The following ABI3BP variants were observed in gnomAD, a reference collection of about 807,000 sequenced individuals.
ABI3BP encodes the protein ABI family member 3 binding protein, also known as target of Nesh-SH3.
Under a neutral mutation model 268.6 loss-of-function variants are expected in ABI3BP, and 216 were observed. That is an observed-to-expected ratio of 0.80 (90% CI 0.72 to 0.90). The LOEUF (loss-of-function observed/expected upper bound fraction) is 0.90. ABI3BP is among the 40% of genes least tolerant of loss of function. The pLI, the probability that ABI3BP is intolerant of heterozygous loss-of-function variation, is 0.00. For synonymous variants in ABI3BP, 730 were observed against 730.0 expected, an observed-to-expected ratio of 1.00 and a Z score of 0.00; for missense variants, 2,090 against 2,182.4, an observed-to-expected ratio of 0.96 and a Z score of 0.84.
intron 1 of ABI3BP, among the ~76,000 whole-genome samples, chr3:100,979,025 C>T (rs1411891618): frequency 6.6e-6 from 1 of 152,172 alleles, no homozygotes; most frequent in African/African-American, 2.4e-5. Flanking sequence ...ACCAGCATTG[C>T]TAGTATCATC....
intron 39 of ABI3BP, 30 bp downstream of exon 39, chr3:100,821,024 C>T (rs2098203915): frequency 3.9e-6 from 6 of 1,521,650 alleles, no homozygotes; most frequent in Non-Finnish European, 5.3e-6. Context: ...GAAGGAAGAA[C>T]ACTTAATGAG....
chr3:100,967,226 G>T (rs1331307417), intron 1 of ABI3BP, among the ~76,000 whole-genome samples: 2 of 152,104 alleles, frequency 1.3e-5, no homozygotes, highest in African/African-American at 4.8e-5. Flanking sequence ...TGAGGGCTAG[G>T]TGCGGTGGCT....
chr3:100,793,490 T>C (rs757840483), intron 54 of ABI3BP, among the ~76,000 whole-genome samples: 15 of 152,022 alleles, frequency 9.9e-5, no homozygotes, highest in Non-Finnish European at 2.1e-4. Context: ...GCAATGGTTC[T>C]GATGTGAATA....
At chr3:100,913,589 C>A (rs2057545277) in intron 2 of ABI3BP, among the ~76,000 whole-genome samples, 1 of 152,064 alleles carries the variant, frequency 6.6e-6, no homozygotes, top group African/African-American at 2.4e-5. Flanking sequence ...TAGCTTGAAG[C>A]TCAAGTAGAA....
intron 62 of ABI3BP, 42 bp from the exon 63 acceptor site, chr3:100,765,991 T>G: frequency 6.9e-7 from 1 of 1,457,792 alleles, no homozygotes; most frequent in South Asian, 1.2e-5. Context: ...TTTTTATTTC[T>G]TGGCTGACTT....
intron 45 of ABI3BP, among the ~76,000 whole-genome samples, chr3:100,813,126 C>T (rs2097906126): frequency 1.3e-5 from 2 of 152,208 alleles, no homozygotes; most frequent in South Asian, 4.1e-4. Flanking sequence ...AGCAACCCAT[C>T]AGCCTTGGCC....
intron 1 of ABI3BP, among the ~76,000 whole-genome samples, chr3:100,949,357 G>C (rs959634414): frequency 6.6e-6 from 1 of 152,176 alleles, no homozygotes; most frequent in African/African-American, 2.4e-5. Flanking sequence ...ACAGGCTCAA[G>C]CAATTCTCGT....
At position 100,905,153 on chromosome 3, in the gene ABI3BP, T is replaced by A. The variant is rs192002024; in HGVS notation, c.260-2467A>T. Among the ~76,000 whole-genome samples, 454 of 151,966 alleles carry A rather than the reference T, an allele frequency of 3.0e-3. 6 individuals carry two copies. The East Asian group carries it at 0.037, about 12-fold the overall frequency. ...GGAAACCATCATTCTCAGCAAACTA[T>A]CGCAAGGACAAAAAACCAAACACCG... is the stretch of plus-strand genomic sequence containing the variant. On this transcript the variant is annotated intron_variant, in intron 2 of 67. Transcript: ENST00000471714.
intron 57 of ABI3BP, among the ~76,000 whole-genome samples, chr3:100,783,574 G>A (rs2096932380): frequency 6.6e-6 from 1 of 152,144 alleles, no homozygotes; most frequent in Non-Finnish European, 1.5e-5. Context: ...CAGCACAATG[G>A]CAGAATTAAA....
intron 39 of ABI3BP, 45 bp downstream of exon 39, chr3:100,821,009 G>A (rs1158144117): frequency 4.1e-6 from 6 of 1,473,746 alleles, no homozygotes; most frequent in Admixed American, 3.9e-5. Flanking sequence ...TGGGTTTGAC[G>A]ATGAGAAGGA....
chr3:100,945,844 G>A (rs1357427981), intron 1 of ABI3BP, among the ~76,000 whole-genome samples: 2 of 152,052 alleles, frequency 1.3e-5, no homozygotes, highest in Non-Finnish European at 2.9e-5. Context: ...ATATGTAGGT[G>A]TAAAATTGTT....
At chr3:100,872,980 C>T (rs758651970) in intron 9 of ABI3BP, among the ~76,000 whole-genome samples, 16 of 152,178 alleles carry the variant, frequency 1.1e-4, no homozygotes, top group Admixed American at 2.0e-4. Flanking sequence ...TTGAACCATA[C>T]GTTTTGGAAA....
At chr3:100,822,052 T>C (rs1184793051) in intron 38 of ABI3BP, among the ~76,000 whole-genome samples, 1 of 152,132 alleles carries the variant, frequency 6.6e-6, no homozygotes, top group African/African-American at 2.4e-5. Context: ...TTAATCTATA[T>C]TTCCCTGATC....
chr3:100,765,136 C>T (rs552384925), intron 63 of ABI3BP, among the ~76,000 whole-genome samples: 1 of 149,380 alleles, frequency 6.7e-6, no homozygotes, highest in East Asian at 2.0e-4. Flanking sequence ...AACTTCCTTA[C>T]TACATTTCTA....
intron 1 of ABI3BP, among the ~76,000 whole-genome samples, chr3:100,973,077 G>A (rs986280812): frequency 3.9e-5 from 6 of 152,136 alleles, no homozygotes; most frequent in Non-Finnish European, 7.3e-5. Context: ...CACTGTTTAA[G>A]CAGGCCCTAA....
At chr3:100,770,036 C>T (rs1233909410) in intron 62 of ABI3BP, among the ~76,000 whole-genome samples, 1 of 152,336 alleles carries the variant, frequency 6.6e-6, no homozygotes, top group East Asian at 1.9e-4. Flanking sequence ...GTTGACCCCT[C>T]TATTCCCTGC....
intron 14 of ABI3BP, among the ~76,000 whole-genome samples, chr3:100,857,277 G>T: frequency 6.6e-6 from 1 of 152,042 alleles, no homozygotes; most frequent in Non-Finnish European, 1.5e-5. Flanking sequence ...GATGTGAAGG[G>T]GTGGCAGCCA....
intron 5 of ABI3BP, among the ~76,000 whole-genome samples, 170 bp downstream of exon 5, chr3:100,885,972 T>C (rs1471499303): frequency 1.3e-5 from 2 of 152,048 alleles, no homozygotes; most frequent in Non-Finnish European, 2.9e-5. Flanking sequence ...TAACTAAAGA[T>C]TCTGAAATAT....
chr3:100,858,785 G>C (rs1205659997), intron 14 of ABI3BP, among the ~76,000 whole-genome samples: 1 of 152,102 alleles, frequency 6.6e-6, no homozygotes, highest in Non-Finnish European at 1.5e-5. Flanking sequence ...CTCTGATCAT[G>C]ATGGATCAAG....
Sources: allele counts gnomAD v4.1 joint callset (sites outside exome capture counted in the v4.1 genomes callset), GRCh38; gene constraint gnomAD v4.1.1; transcripts MANE v1.5; gene names NCBI Gene and HGNC (gene_info 2026-07-23, HGNC 2026-07-21).